Variants in NDUFAF7 observed in about 807,000 individuals in gnomAD.
NDUFAF7 encodes NADH:ubiquinone oxidoreductase complex assembly factor 7.
NDUFAF7 carries 48 observed loss-of-function variants against 47.2 expected under a neutral mutation model. That is an observed-to-expected ratio of 1.02 (90% CI 0.81 to 1.29). The LOEUF (loss-of-function observed/expected upper bound fraction) is 1.29. Among genes scored for constraint, NDUFAF7 ranks in the 50% most tolerant of loss-of-function variants. NDUFAF7 has a pLI of 0.00. For synonymous variants in NDUFAF7, 217 were observed against 190.0 expected (o/e 1.14, Z -1.17); for missense variants, 635 against 537.6 (o/e 1.18, Z -1.79).
At chr2:37,247,990 A>C (rs1667105301) in intron 9 of NDUFAF7, 145 bp from the exon 10 acceptor site, 1 of 726,062 alleles carries the variant, frequency 1.4e-6, no homozygotes, top group South Asian at 1.7e-5. Flanking sequence ...ATTTTTAATA[A>C]GTACTCTATG....
intron 8 of NDUFAF7, among the ~76,000 whole-genome samples, chr2:37,246,701 G>A (rs1485529773): frequency 1.3e-5 from 2 of 151,720 alleles, no homozygotes; most frequent in Admixed American, 6.6e-5. Flanking sequence ...TACTTTAATT[G>A]AAAAACATTT....
intron 2 of NDUFAF7, among the ~76,000 whole-genome samples, chr2:37,233,739 A>G (rs917912948): frequency 6.6e-6 from 1 of 152,192 alleles, no homozygotes; most frequent in Non-Finnish European, 1.5e-5. Flanking sequence ...CAGGGAGAAC[A>G]TACTGAGAGA....
At chr2:37,249,558 GACACACACACACACACACAC>G (rs56374800), downstream of NDUFAF7, among the ~76,000 whole-genome samples, 23 of 128,502 alleles carry the variant, frequency 1.8e-4, no homozygotes, top group South Asian at 5.4e-4. Flanking sequence ...GCCTGTGATA[GACACACACACACACACACAC>G]ACACACACAC....
the NDUFAF7 span, among the ~76,000 whole-genome samples, chr2:37,270,939 T>C: frequency 2.0e-5 from 3 of 152,218 alleles, no homozygotes; most frequent in Admixed American, 1.3e-4. Flanking sequence ...TCCCATGGGA[T>C]TATTCAAAAT....
the NDUFAF7 span, among the ~76,000 whole-genome samples, chr2:37,265,653 A>G: frequency 2.6e-5 from 4 of 152,304 alleles, no homozygotes; most frequent in East Asian, 7.7e-4. Context: ...TGACACCACA[A>G]GGAAAGCCAA....
the NDUFAF7 span, among the ~76,000 whole-genome samples, chr2:37,270,119 C>T: frequency 2.6e-5 from 4 of 151,636 alleles, no homozygotes; most frequent in Admixed American, 1.3e-4. Context: ...CCTAGCTACT[C>T]GGGAGGCTGA....
Position 37,248,623 on chromosome 2 carries a change from G to A in NDUFAF7, c.*273G>A. On this transcript the variant is annotated 3_prime_UTR_variant, in exon 10 of 10. Transcript: ENST00000002125. Reference sequence around the variant, plus strand: ...CCATATTTCTATTTTATTTTAAAAAGTAAACATGCGGCTGGGCGTGGTGGC... The same window carrying A: ...CCATATTTCTATTTTATTTTAAAAAATAAACATGCGGCTGGGCGTGGTGGC... 2.4e-6 allele frequency: 1 copy of A among 415,790 alleles called. No individual in the cohort carries two copies. The highest frequency in any genetic ancestry group is 4.5e-6 in the Non-Finnish European group (1 of 222,484). The allele number at this position is 415,790 out of a possible 1,614,324, so 25.8% of individuals were successfully genotyped here. A position where few individuals can be genotyped will look rare whatever the true frequency, so the allele number is the denominator to read the frequency against.
At chr2:37,233,448 T>G (rs905246651) in intron 2 of NDUFAF7, among the ~76,000 whole-genome samples, 2 of 151,982 alleles carry the variant, frequency 1.3e-5, no homozygotes, top group Non-Finnish European at 2.9e-5. Flanking sequence ...ACCAACTTGG[T>G]GAAACCCCGT....
the NDUFAF7 span, chr2:37,259,793 C>G: frequency 2.8e-6 from 2 of 719,584 alleles, no homozygotes; most frequent in Non-Finnish European, 2.4e-6. Flanking sequence ...CAAGACTTAG[C>G]TAAAAGTGTG....
At chr2:37,246,480 A>G (rs916773594) in intron 8 of NDUFAF7, among the ~76,000 whole-genome samples, 1 of 152,208 alleles carries the variant, frequency 6.6e-6, no homozygotes, top group South Asian at 2.1e-4. Context: ...ACAAATGGAA[A>G]GATTTTCTTC....
Position 37,238,166 on chromosome 2 carries a change from A to G in NDUFAF7, c.408+299A>G, listed in dbSNP as rs7560904. On this transcript the variant is annotated intron_variant, in intron 4 of 9. Coordinates refer to ENST00000002125, the MANE Select transcript of NDUFAF7 (RefSeq NM_144736.5). Reference sequence around the variant, plus strand: ...ATTATATTAAAAGTTTAGGCCAGGCATGGTGGCTCAATCCTAGCACTTTGA... The same window carrying G: ...ATTATATTAAAAGTTTAGGCCAGGCGTGGTGGCTCAATCCTAGCACTTTGA... 0.46 allele frequency among the ~76,000 whole-genome samples: 69,573 copies of G among 151,954 alleles called. 16,595 individuals carry two copies. The highest frequency in any genetic ancestry group is 0.78 in the East Asian group (4,014 of 5,160).
chr2:37,259,022 A>G, the NDUFAF7 span, among the ~76,000 whole-genome samples: 1 of 150,484 alleles, frequency 6.6e-6, no homozygotes, highest in South Asian at 2.1e-4. Context: ...AGGTCATGCA[A>G]TAAATTTAGT....
chr2:37,240,123 G>T (rs1030956995), intron 4 of NDUFAF7, among the ~76,000 whole-genome samples: 1 of 152,118 alleles, frequency 6.6e-6, no homozygotes, highest in East Asian at 1.9e-4. Context: ...ATATGTACTT[G>T]ACAATTCAAT....
chr2:37,250,945 A>C (rs1178243751), downstream of NDUFAF7: 1 of 152,646 alleles, frequency 6.6e-6, no homozygotes, highest in Non-Finnish European at 1.5e-5. Context: ...TGCCTTTACA[A>C]AATTTTTAGA....
chr2:37,244,018 T>C, intron 7 of NDUFAF7, 45 bp downstream of exon 7: 1 of 1,443,074 alleles, frequency 6.9e-7, no homozygotes, highest in Non-Finnish European at 9.6e-7. Context: ...TCACAGAATC[T>C]TCAAAGTCTT....
At chr2:37,265,902 C>T in the NDUFAF7 span, among the ~76,000 whole-genome samples, 2 of 152,090 alleles carry the variant, frequency 1.3e-5, no homozygotes, top group Non-Finnish European at 2.9e-5. Context: ...AAAAAAGCTT[C>T]AGTGCTTACT....
chr2:37,271,092 T>G, the NDUFAF7 span, among the ~76,000 whole-genome samples: 1 of 152,358 alleles, frequency 6.6e-6, no homozygotes, highest in South Asian at 2.1e-4. Flanking sequence ...CCAATCTTCA[T>G]TGCAGTCTTA....
At chr2:37,254,077 G>T, downstream of NDUFAF7, 1 of 686,354 alleles carries the variant, frequency 1.5e-6, no homozygotes, top group African/African-American at 1.8e-5. Context: ...TTCAGCCATA[G>T]TACAAATTAA....
chr2:37,246,624 ATTC>A (rs999589043), intron 8 of NDUFAF7, among the ~76,000 whole-genome samples: 6 of 152,094 alleles, frequency 3.9e-5, no homozygotes, highest in African/African-American at 1.4e-4. Flanking sequence ...TTCCAGATGT[ATTC>A]TTTTACACTG....
Sources: allele counts gnomAD v4.1 joint callset (sites outside exome capture counted in the v4.1 genomes callset), GRCh38; gene constraint gnomAD v4.1.1; transcripts MANE v1.5; gene names NCBI Gene and HGNC (gene_info 2026-07-23, HGNC 2026-07-21).